COL13A1: variants seen among roughly 807,000 people sequenced by gnomAD.
COL13A1 encodes the protein collagen alpha-1(XIII) chain.
Under a neutral mutation model 130.9 loss-of-function variants are expected in COL13A1, and 89 were observed. The observed-to-expected ratio is 0.68, with a 90% CI of 0.57 to 0.81. COL13A1 has a LOEUF of 0.81. Among genes scored for constraint, COL13A1 ranks in the 30% least tolerant of loss-of-function variants. The probability of loss-of-function intolerance (pLI) is 0.00; values close to 1 mark genes in which losing one functional copy is unlikely to be tolerated. For missense variants in COL13A1, 879 were observed against 934.6 expected (o/e 0.94, Z 0.78); for synonymous variants, 402 against 341.6 (o/e 1.18, Z -1.95).
rs1369687132 is a variant in COL13A1, at chr10:69,936,625, T to G, written c.1771-131T>G. On this transcript the variant is annotated intron_variant, in intron 32 of 40. Coordinates refer to ENST00000645393, the MANE Select transcript of COL13A1 (RefSeq NM_001368882.1). ...CCCCCACTTAGCATTTCTTTCTACC[T>G]CTCATGGGCAGGGACCCCAAACCAT... 3.1e-6 allele frequency: 3 copies of G among 961,018 alleles called. No homozygotes were observed. The African/African-American group carries it at 5.0e-5, about 16-fold the overall frequency. The allele number at this position is 961,018 out of a possible 1,614,324, so 59.5% of individuals were successfully genotyped here. A position where few individuals can be genotyped will look rare whatever the true frequency, so the allele number is the denominator to read the frequency against.
chr10:69,824,411 CCAT>C (rs1456083774), intron 2 of COL13A1, among the ~76,000 whole-genome samples: 1 of 152,168 alleles, frequency 6.6e-6, no homozygotes, highest in Non-Finnish European at 1.5e-5. Flanking sequence ...GCCTTCAAGT[CCAT>C]CATCAGAGTG....
At chr10:69,860,006 G>A (rs1018740954) in intron 2 of COL13A1, among the ~76,000 whole-genome samples, 1 of 152,204 alleles carries the variant, frequency 6.6e-6, no homozygotes, top group Non-Finnish European at 1.5e-5. Context: ...TCTGAGTAGA[G>A]ACCAACGTGG....
At chr10:69,913,753 G>A (rs536757350) in intron 17 of COL13A1, among the ~76,000 whole-genome samples, 379 of 152,224 alleles carry the variant, frequency 2.5e-3, no homozygotes, top group Non-Finnish European at 4.3e-3. Context: ...GCAGGGGCAG[G>A]TCCCTGGAGA....
At chr10:69,942,840 G>C (rs2067846165) in intron 35 of COL13A1, among the ~76,000 whole-genome samples, 1 of 152,130 alleles carries the variant, frequency 6.6e-6, no homozygotes, top group Non-Finnish European at 1.5e-5. Context: ...CCAACCACTG[G>C]CCCGAGCTGA....
chr10:69,822,797 G>A (rs1421918099), intron 2 of COL13A1, among the ~76,000 whole-genome samples: 1 of 152,208 alleles, frequency 6.6e-6, no homozygotes, highest in Non-Finnish European at 1.5e-5. Context: ...TGCTTGCTGT[G>A]TTCATCATTG....
intron 9 of COL13A1, 150 bp downstream of exon 9, chr10:69,888,480 C>A: frequency 8.8e-7 from 1 of 1,130,110 alleles, no homozygotes; most frequent in Non-Finnish European, 1.3e-6. Flanking sequence ...TGGAGGGGGC[C>A]ATTTGAGTCA....
At chr10:69,914,724 G>C (rs897776329) in intron 17 of COL13A1, among the ~76,000 whole-genome samples, 2 of 152,182 alleles carry the variant, frequency 1.3e-5, no homozygotes, top group African/African-American at 4.8e-5. Context: ...GCTAGCAGGG[G>C]ACCCTCCAAA....
At chr10:69,841,605 C>T (rs181096465) in intron 2 of COL13A1, among the ~76,000 whole-genome samples, 51 of 152,294 alleles carry the variant, frequency 3.3e-4, no homozygotes, top group Admixed American at 2.4e-3. Context: ...ACATGACTTA[C>T]GGTTCAGTCA....
chr10:69,824,620 AG>A (rs753495722), intron 2 of COL13A1, among the ~76,000 whole-genome samples: 11 of 152,150 alleles, frequency 7.2e-5, no homozygotes, highest in Non-Finnish European at 1.3e-4. Context: ...AGCAGCTCAG[AG>A]GGTCAGGGGA....
intron 31 of COL13A1, among the ~76,000 whole-genome samples, chr10:69,933,680 A>G (rs1188350518): frequency 6.6e-6 from 1 of 152,208 alleles, no homozygotes; most frequent in Non-Finnish European, 1.5e-5. Flanking sequence ...ATAGCCTCCT[A>G]AAGAAATGAT....
intron 2 of COL13A1, among the ~76,000 whole-genome samples, chr10:69,845,976 A>G (rs1201719167): frequency 6.6e-6 from 1 of 152,280 alleles, no homozygotes; most frequent in African/African-American, 2.4e-5. Flanking sequence ...AGGCAGGGAC[A>G]GGGATAGTGC....
intron 2 of COL13A1, among the ~76,000 whole-genome samples, chr10:69,831,928 C>T (rs1290770831): frequency 6.6e-6 from 1 of 152,198 alleles, no homozygotes; most frequent in Non-Finnish European, 1.5e-5. Flanking sequence ...CCTTGTTGGA[C>T]TGATGGGCTC....
intron 10 of COL13A1, among the ~76,000 whole-genome samples, chr10:69,890,137 G>A (rs143342387): frequency 6.6e-6 from 1 of 152,084 alleles, no homozygotes; most frequent in African/African-American, 2.4e-5. Context: ...GACAACATTT[G>A]GCCCAGCTTT....
intron 34 of COL13A1, among the ~76,000 whole-genome samples, chr10:69,939,895 A>C (rs1472203991): frequency 1.3e-5 from 2 of 152,134 alleles, no homozygotes; most frequent in Non-Finnish European, 2.9e-5. Flanking sequence ...CCTTCTACCC[A>C]ACACCTTTTC....
At chr10:69,905,930 C>A (rs2062707319) in intron 17 of COL13A1, 108 bp downstream of exon 17, 1 of 1,256,706 alleles carries the variant, frequency 8.0e-7, no homozygotes, top group Non-Finnish European at 1.1e-6. Flanking sequence ...GGTGGCTGTG[C>A]CTGTAGTGAG....
chr10:69,823,849 GGA>G (rs1019190175), intron 2 of COL13A1, among the ~76,000 whole-genome samples: 6 of 152,194 alleles, frequency 3.9e-5, no homozygotes, highest in Admixed American at 6.5e-5. Context: ...AAAGCTTTCA[GGA>G]GAGGAGTGCC....
At chr10:69,879,832 A>G (rs1470613539) in intron 6 of COL13A1, among the ~76,000 whole-genome samples, 1 of 152,192 alleles carries the variant, frequency 6.6e-6, no homozygotes, top group Non-Finnish European at 1.5e-5. Flanking sequence ...CAGAGCTGAC[A>G]TTCTGCCCTG....
At chr10:69,874,604 G>A (rs1050129093) in intron 4 of COL13A1, among the ~76,000 whole-genome samples, 3 of 152,196 alleles carry the variant, frequency 2.0e-5, no homozygotes, top group Non-Finnish European at 2.9e-5. Context: ...GAGGAGGGAG[G>A]AGTGGAGAAA....
chr10:69,935,528 G>A (rs1292431723), intron 32 of COL13A1, 137 bp downstream of exon 32: 25 of 637,648 alleles, frequency 3.9e-5, no homozygotes, highest in Admixed American at 2.4e-4. Context: ...ACCCCTCCCC[G>A]CTCCTTTTCC....
Sources: gnomAD v4.1 joint callset for allele counts (sites outside exome capture counted in the v4.1 genomes callset) on GRCh38, gnomAD v4.1.1 for gene constraint, MANE v1.5 for transcripts, NCBI Gene and HGNC (gene_info 2026-07-23, HGNC 2026-07-21) for gene names.